ANKRD13A: variants seen among roughly 807,000 people sequenced by gnomAD.
The protein encoded by ANKRD13A is ankyrin repeat domain-containing protein 13A.
A neutral mutation model predicts 81.3 loss-of-function variants in ANKRD13A; 48 were observed. That is an observed-to-expected ratio of 0.59 (90% CI 0.47 to 0.75). The LOEUF (loss-of-function observed/expected upper bound fraction) is 0.75, where lower values mean the gene tolerates loss of function less well. Ranked by LOEUF, ANKRD13A falls within the 30% of genes least tolerant of loss-of-function variation. The pLI, the probability that ANKRD13A is intolerant of heterozygous loss-of-function variation, is 0.00. For missense variants in ANKRD13A, 612 were observed against 734.0 expected (o/e 0.83, Z 1.92); for synonymous variants, 230 against 270.1 (o/e 0.85, Z 1.45).
intron 4 of ANKRD13A, among the ~76,000 whole-genome samples, chr12:110,017,045 A>G (rs894617596): frequency 7.9e-5 from 12 of 152,234 alleles, no homozygotes; most frequent in Middle Eastern, 6.8e-3. Flanking sequence ...AAGTGCTGGG[A>G]TTACAGGCAT....
chr12:110,011,301 A>G (rs932888056), intron 1 of ANKRD13A, among the ~76,000 whole-genome samples: 3 of 152,202 alleles, frequency 2.0e-5, no homozygotes, highest in African/African-American at 7.2e-5. Flanking sequence ...AATAGGAACG[A>G]AGAGGTAAGA....
Position 110,039,695 on chromosome 12 carries a change from G to T in ANKRD13A, c.*2141G>T, listed in dbSNP as rs1892252270. 1 of 152,362 alleles carries T rather than the reference G, an allele frequency of 6.6e-6. No homozygotes were observed. The highest frequency in any genetic ancestry group is 1.5e-5 in the Non-Finnish European group (1 of 68,072). The allele number at this position is 152,362 out of a possible 1,614,324, so 9.4% of individuals were successfully genotyped here. On this transcript the variant is annotated 3_prime_UTR_variant, in exon 15 of 15. Transcript: ENST00000261739. ...CTGGAGGGGAACTGGCTCTTGTGGGGTAAGGGAAGCCCAGCCAACATCAAA... is the reference window on the plus strand; with the variant it reads ...CTGGAGGGGAACTGGCTCTTGTGGGTTAAGGGAAGCCCAGCCAACATCAAA...
chr12:110,029,551 C>T lies in ANKRD13A; in HGVS notation c.1150C>T (p.Leu384=), dbSNP rs1326629812. The T allele has an allele frequency of 5.0e-6, 8 of 1,614,084 alleles. No individual in the cohort carries two copies. The highest frequency in any genetic ancestry group is 4.0e-5 in the African/African-American group (3 of 75,032). Residue 384 remains leucine, a synonymous_variant, in exon 11 of 15, where the codon CTA becomes TTA. Transcript: ENST00000261739. ...LVEQVIPIID[L]MARTSAHFAR... is the part of the protein sequence containing the mutation. ...GGAGCAGGTCATTCCCATCATTGAC[C>T]TAATGGCTCGAACGAGTGCTCATTT...
chr12:110,031,723 T>C (rs1371868830), intron 12 of ANKRD13A, among the ~76,000 whole-genome samples: 1 of 152,194 alleles, frequency 6.6e-6, no homozygotes, highest in Non-Finnish European at 1.5e-5. Context: ...CAAATTTCCT[T>C]ACACTCCTTT....
chr12:110,008,783 G>A (rs147635905), intron 1 of ANKRD13A, among the ~76,000 whole-genome samples: 7,795 of 152,138 alleles, frequency 0.051, 281 homozygotes, highest in East Asian at 0.1. Context: ...TACTCAGGAG[G>A]CTGAGGCACA....
chr12:110,003,938 C>G (rs1398467416), intron 1 of ANKRD13A, among the ~76,000 whole-genome samples: 3 of 152,112 alleles, frequency 2.0e-5, no homozygotes, highest in Admixed American at 2.0e-4. Flanking sequence ...GCAGGTGGAT[C>G]ATGAGGTCAG....
intron 6 of ANKRD13A, among the ~76,000 whole-genome samples, chr12:110,022,864 C>G (rs769626849): frequency 3.3e-5 from 5 of 152,192 alleles, no homozygotes; most frequent in Non-Finnish European, 7.3e-5. Context: ...TAGGATTCCT[C>G]TGTTTCCATC....
intron 12 of ANKRD13A, among the ~76,000 whole-genome samples, chr12:110,030,969 C>A (rs1891655030): frequency 1.3e-5 from 2 of 151,948 alleles, no homozygotes; most frequent in African/African-American, 4.8e-5. Context: ...GTGGCGCATG[C>A]CTGTAATCCC....
chr12:110,022,461 A>C (rs997742246), intron 6 of ANKRD13A: 5 of 152,140 alleles, frequency 3.3e-5, no homozygotes, highest in African/African-American at 1.2e-4. Flanking sequence ...AAAAAAAAAA[A>C]AAAAGAGTGC....
chr12:110,010,547 T>C (rs1700147138), intron 1 of ANKRD13A, among the ~76,000 whole-genome samples: 1 of 152,188 alleles, frequency 6.6e-6, no homozygotes, highest in Non-Finnish European at 1.5e-5. Flanking sequence ...ATCTCTTTGG[T>C]GCGATGGACA....
rs1889952122 is a variant in ANKRD13A, at chr12:110,001,164, G to A, written c.96+1380G>A. 2.0e-5 allele frequency among the ~76,000 whole-genome samples: 3 copies of A among 151,464 alleles called. 1 individual carries two copies. Among genetic ancestry groups the A allele is most frequent in the South Asian group, 4.2e-4 (2 of 4,796 alleles). ...AGGATGAGGATTTGTGATTACCCCT[G>A]AAATCTAGTATGGTTGTTCTTGTTG... On this transcript the variant is annotated intron_variant, in intron 1 of 14. Transcript: ENST00000261739.
chr12:110,012,120 A>G lies in ANKRD13A; in HGVS notation c.212A>G (p.Asn71Ser). 2 of 1,611,462 alleles carry G rather than the reference A, an allele frequency of 1.2e-6. No homozygotes were observed. The highest frequency in any genetic ancestry group is 1.7e-6 in the Non-Finnish European group (2 of 1,177,820). Residue 71 changes from asparagine (N) to serine (S), a missense_variant, in exon 2 of 15, where the codon AAT becomes AGT. Coordinates refer to ENST00000261739, the MANE Select transcript of ANKRD13A (RefSeq NM_033121.2). Reference protein sequence around the residue: ...LRHKADVTKENRQGWTVLHEA... With the variant: ...LRHKADVTKESRQGWTVLHEA... The stretch of plus-strand genomic sequence containing the variant: ...CATAAAGCAGATGTGACAAAAGAAA[A>G]TCGCCAGGGATGGACAGGTAAGTAT...
rs949984719 is a variant in ANKRD13A, at chr12:110,028,515, C to G, written c.949C>G (p.Leu317Val). The G allele has an allele frequency of 1.2e-6, 2 of 1,614,030 alleles. No individual in the cohort carries two copies. Among genetic ancestry groups the G allele is most frequent in the Non-Finnish European group, 1.7e-6 (2 of 1,179,964 alleles). ...CTCCTGAGTTCTGGCTCAGCAGGAC[C>G]TCACCACGGAATGTGCTACTGCAAA... Reference protein sequence around the residue: ...VEHQFGAQGDLTTECATANNP... With the variant: ...VEHQFGAQGDVTTECATANNP... The change falls in exon 10 of 15, where the codon CTC (leucine) becomes GTC (valine). Residue 317 changes from leucine to valine, a missense_variant. Coordinates refer to ENST00000261739, the MANE Select transcript of ANKRD13A (RefSeq NM_033121.2).
chr12:110,019,957 G>T (rs1284920194), intron 6 of ANKRD13A, among the ~76,000 whole-genome samples: 1 of 152,138 alleles, frequency 6.6e-6, no homozygotes, highest in Non-Finnish European at 1.5e-5. Context: ...TGGAGGGCAT[G>T]GGGGGGCCTT....
intron 1 of ANKRD13A, among the ~76,000 whole-genome samples, chr12:110,005,649 C>T (rs906725236): frequency 6.6e-6 from 1 of 152,144 alleles, no homozygotes; most frequent in Non-Finnish European, 1.5e-5. Context: ...TGGCATGTTT[C>T]AGGTGCTTAA....
Position 110,029,584 on chromosome 12 carries a change from C to G in ANKRD13A, c.1183C>G (p.Leu395Val). The G allele has an allele frequency of 6.2e-7, 1 of 1,613,950 alleles. No individual in the cohort carries two copies. The highest frequency in any genetic ancestry group is 8.5e-7 in the Non-Finnish European group (1 of 1,179,838). ...TCGAACGAGTGCTCATTTTGCAAGA[C>G]TGAGAGATTTCATCAAATTGGAATT... ...MARTSAHFAR[L>V]RDFIKLEFPP... Residue 395 changes from leucine (L) to valine (V), a missense_variant, in exon 11 of 15, where the codon CTG becomes GTG. Physicochemically the swap from Leu to Val is conservative, Grantham distance 32. Coordinates refer to ENST00000261739, the MANE Select transcript of ANKRD13A (RefSeq NM_033121.2).
chr12:110,019,447 C>T, intron 6 of ANKRD13A, 119 bp downstream of exon 6: 1 of 957,870 alleles, frequency 1.0e-6, no homozygotes, highest in South Asian at 2.1e-5. Context: ...ACATAATAAA[C>T]ACTAGTGGGT....
intron 3 of ANKRD13A, among the ~76,000 whole-genome samples, chr12:110,015,071 C>T (rs1161171938): frequency 2.0e-5 from 3 of 152,170 alleles, no homozygotes; most frequent in East Asian, 1.9e-4. Flanking sequence ...CCAGTGCGCC[C>T]GGCCGCATTT....
chr12:110,020,647 C>T (rs1891030917), intron 6 of ANKRD13A, among the ~76,000 whole-genome samples: 1 of 152,208 alleles, frequency 6.6e-6, no homozygotes, highest in Non-Finnish European at 1.5e-5. Flanking sequence ...AAAGACATTT[C>T]CAGGCTTCCG....
Sources: gnomAD v4.1 joint callset for allele counts (sites outside exome capture counted in the v4.1 genomes callset) on GRCh38, gnomAD v4.1.1 for gene constraint, MANE v1.5 for transcripts, NCBI Gene and HGNC (gene_info 2026-07-23, HGNC 2026-07-21) for gene names.